Variants in PDZD2 observed in about 807,000 individuals in gnomAD.
PDZD2 encodes the protein PDZ domain-containing protein 2.
A neutral mutation model predicts 220.7 loss-of-function variants in PDZD2; 90 were observed. The ratio of observed to expected loss-of-function variants is 0.41; its 90% CI spans 0.34 to 0.49. The LOEUF (loss-of-function observed/expected upper bound fraction) is 0.49, where lower values mean the gene tolerates loss of function less well. Among genes scored for constraint, PDZD2 ranks in the 20% least tolerant of loss-of-function variants. PDZD2 has a pLI of 0.28. For synonymous variants in PDZD2, 1,375 were observed against 1,450.5 expected (o/e 0.95, Z 1.18); for missense variants, 3,174 against 3,608.5 (o/e 0.88, Z 3.08).
At chr5:31,737,315 G>GGC (rs1450301361) in intron 1 of PDZD2, among the ~76,000 whole-genome samples, 1 of 151,738 alleles carries the variant, frequency 6.6e-6, no homozygotes, top group Non-Finnish European at 1.5e-5. Flanking sequence ...TGGGACTACA[G>GGC]GCGCCCACCA....
chr5:32,109,989 A>C lies in PDZD2; in HGVS notation c.*1854A>C, dbSNP rs1745218848. ...TGATTTTACTTCTACTTTTCACTAC[A>C]GTTACAGGTAGAATACTGTAGGAAG... On this transcript the variant is annotated 3_prime_UTR_variant, in exon 25 of 25. Transcript: ENST00000438447. 1 of 152,624 alleles carries C rather than the reference A, an allele frequency of 6.6e-6. No homozygotes were observed. The highest frequency in any genetic ancestry group is 1.5e-5 in the Non-Finnish European group (1 of 68,028). The allele number at this position is 152,624 out of a possible 1,614,324, so 9.5% of individuals were successfully genotyped here.
intron 1 of PDZD2, among the ~76,000 whole-genome samples, chr5:31,784,103 A>T (rs1580748810): frequency 6.6e-6 from 1 of 152,170 alleles, no homozygotes; most frequent in African/African-American, 2.4e-5. Flanking sequence ...AGTGGAAAAA[A>T]GAACATGAAA....
chr5:31,896,837 G>C (rs1741615626), intron 2 of PDZD2, among the ~76,000 whole-genome samples: 2 of 152,166 alleles, frequency 1.3e-5, no homozygotes, highest in African/African-American at 2.4e-5. Flanking sequence ...TGCACCTGTG[G>C]TTCCAGCTAC....
chr5:31,656,658 G>C (rs1233607894), intron 1 of PDZD2, among the ~76,000 whole-genome samples: 2 of 152,164 alleles, frequency 1.3e-5, no homozygotes, highest in Admixed American at 1.3e-4. Flanking sequence ...ATTTTTTAAA[G>C]CAACTGAATA....
chr5:31,875,640 A>G (rs2150329244), intron 2 of PDZD2, among the ~76,000 whole-genome samples: 1 of 148,000 alleles, frequency 6.8e-6, no homozygotes, highest in African/African-American at 2.4e-5. Flanking sequence ...AATATATACA[A>G]ATTTAATATA....
chr5:31,923,664 C>A, intron 2 of PDZD2: 2 of 670,134 alleles, frequency 3.0e-6, no homozygotes, highest in Non-Finnish European at 5.7e-6. Context: ...CACAGATGAA[C>A]CTGTAGCAGA....
rs148626469 is a variant in PDZD2 at position 31,905,818 on chromosome 5, A to G, written c.477-77337A>G. On this transcript the variant is annotated intron_variant, in intron 2 of 24. Coordinates refer to ENST00000438447, the MANE Select transcript of PDZD2 (RefSeq NM_178140.4). The stretch of plus-strand genomic sequence containing the variant: ...ATGGCTCATGTGCTAGAAGCTGATA[A>G]CTTTTGTTATTGGACTTTGGACGGG... Among the ~76,000 whole-genome samples, 113 of 152,148 alleles carry G rather than the reference A, an allele frequency of 7.4e-4. 1 individual carries two copies. The East Asian group carries it at 0.012, about 17-fold the overall frequency.
chr5:31,780,712 A>T (rs58159458), intron 1 of PDZD2, among the ~76,000 whole-genome samples: 8,021 of 152,074 alleles, frequency 0.053, 710 homozygotes, highest in African/African-American at 0.18. Context: ...GGTTACAAAA[A>T]CCCACCCCAA....
At chr5:31,682,597 A>G (rs1424946271) in intron 1 of PDZD2, among the ~76,000 whole-genome samples, 1 of 152,170 alleles carries the variant, frequency 6.6e-6, no homozygotes, top group Non-Finnish European at 1.5e-5. Flanking sequence ...AAAGTTCTTA[A>G]TAATGGTTTA....
chr5:31,855,008 CCCCAGGCCCCCGG>C, intron 2 of PDZD2: 1 of 985,314 alleles, frequency 1.0e-6, no homozygotes. Flanking sequence ...CTGGCAGCCG[CCCCAGGCCCCCGG>C]GCCGCCTGCA....
chr5:31,789,118 G>A (rs1318989438), intron 1 of PDZD2, among the ~76,000 whole-genome samples: 1 of 152,208 alleles, frequency 6.6e-6, no homozygotes, highest in Non-Finnish European at 1.5e-5. Context: ...TCTGGAGGTA[G>A]GATGTCTGGG....
intron 2 of PDZD2, among the ~76,000 whole-genome samples, chr5:31,872,858 C>A (rs759315309): frequency 2.5e-4 from 38 of 152,166 alleles, no homozygotes; most frequent in Non-Finnish European, 4.7e-4. Context: ...ATGATGGTCC[C>A]ATATGACTAT....
At chr5:31,894,681 T>C (rs1741377636) in intron 2 of PDZD2, among the ~76,000 whole-genome samples, 1 of 152,124 alleles carries the variant, frequency 6.6e-6, no homozygotes, top group South Asian at 2.1e-4. Flanking sequence ...GGTTTTTCTA[T>C]AGTCTAAAAT....
chr5:31,866,537 C>T lies in PDZD2; in HGVS notation c.476+66813C>T, dbSNP rs140680562. Reference sequence around the variant, plus strand: ...CACAGCTGCTTAGGAGCCTCCCCGACGATACTCTCCCACCACCCTTAAAGG... The same window carrying T: ...CACAGCTGCTTAGGAGCCTCCCCGATGATACTCTCCCACCACCCTTAAAGG... On this transcript the variant is annotated intron_variant, in intron 2 of 24. Transcript: ENST00000438447. Among the ~76,000 whole-genome samples the T allele has an allele frequency of 1.8e-4, 28 of 152,092 alleles. No homozygotes were observed. The East Asian group carries it at 4.6e-3, about 25-fold the overall frequency.
intron 2 of PDZD2, among the ~76,000 whole-genome samples, chr5:31,849,966 A>AAG: frequency 5.7e-5 from 1 of 17,490 alleles, no homozygotes; most frequent in African/African-American, 3.5e-4. Flanking sequence ...ATATATACAC[A>AAG]TATATATATA....
rs55741622 is a variant in PDZD2, at chr5:31,908,082, CAAAAAAAAAAA to C, written c.477-75057_477-75047del. 3.1e-3 allele frequency among the ~76,000 whole-genome samples: 239 copies of C among 76,900 alleles called. 1 individual carries two copies. Among genetic ancestry groups the C allele is most frequent in the African/African-American group, 0.012 (218 of 18,384 alleles). 50.4% of individuals were successfully genotyped at this position (76,900 alleles called of 152,430 possible). On this transcript the variant is annotated intron_variant, in intron 2 of 24. Coordinates refer to ENST00000438447, the MANE Select transcript of PDZD2 (RefSeq NM_178140.4). Reference sequence around the variant, plus strand: ...TGGGTGACAGAGCCAGGCTCCGTCTCAAAAAAAAAAAAAAAAAAAAAAAAAAGAAAGAAAAG... The same window carrying C: ...TGGGTGACAGAGCCAGGCTCCGTCTCAAAAAAAAAAAAAAAGAAAGAAAAG...
At chr5:31,923,439 T>C (rs1581089185) in intron 2 of PDZD2, 3 of 1,132,484 alleles carry the variant, frequency 2.6e-6, no homozygotes, top group East Asian at 2.4e-5. Context: ...TGCCATCCAC[T>C]TGGGCTTTAT....
intron 7 of PDZD2, among the ~76,000 whole-genome samples, chr5:32,048,312 A>G (rs1310357935): frequency 2.0e-5 from 3 of 152,188 alleles, no homozygotes; most frequent in Non-Finnish European, 4.4e-5. Flanking sequence ...GGTCATTTCA[A>G]AAACTGGCAG....
intron 1 of PDZD2, among the ~76,000 whole-genome samples, chr5:31,666,627 T>C (rs1745998185): frequency 6.6e-6 from 1 of 152,192 alleles, no homozygotes; most frequent in Non-Finnish European, 1.5e-5. Context: ...GGGACTGAGC[T>C]AACCCCATTG....
Sources: gnomAD v4.1 joint callset for allele counts (sites outside exome capture counted in the v4.1 genomes callset) on GRCh38, gnomAD v4.1.1 for gene constraint, MANE v1.5 for transcripts, NCBI Gene and HGNC (gene_info 2026-07-23, HGNC 2026-07-21) for gene names.